Variants in FAM241A observed in about 807,000 individuals in gnomAD.
FAM241A encodes the protein family with sequence similarity 241 member A.
In FAM241A, 7 loss-of-function variants were observed where a neutral mutation model predicts 12.2. The ratio of observed to expected loss-of-function variants is 0.58; its 90% confidence interval spans 0.33 to 1.08. FAM241A has a LOEUF of 1.08. Among genes scored for constraint, FAM241A ranks in the 50% least tolerant of loss-of-function variants. The pLI, the probability that FAM241A is intolerant of heterozygous loss-of-function variation, is 0.04. For missense variants in FAM241A, 161 were observed against 169.7 expected (o/e 0.95, Z 0.29); for synonymous variants, 74 against 68.2 (o/e 1.08, Z -0.42).
intron 1 of FAM241A, among the ~76,000 whole-genome samples, chr4:112,167,442 T>C (rs919280115): frequency 1.2e-4 from 19 of 152,194 alleles, no homozygotes; most frequent in Admixed American, 3.3e-4. Context: ...CAGAGGATAC[T>C]GGAGGAAGAC....
rs1274468757 is a variant in FAM241A, at chr4:112,193,217, G to A, written c.*6279G>A. The A allele has an allele frequency of 6.6e-6, 1 of 151,498 alleles. No homozygotes were observed. The highest frequency in any genetic ancestry group is 1.5e-5 in the Non-Finnish European group (1 of 67,860). The allele number at this position is 151,498 out of a possible 1,614,324, so 9.4% of individuals were successfully genotyped here. A position where few individuals can be genotyped will look rare whatever the true frequency, so the allele number is the denominator to read the frequency against. On this transcript the variant is annotated 3_prime_UTR_variant, in exon 2 of 2. Transcript: ENST00000309733. ...TTGTTTGTTTTTTTCTTGTAAATTT[G>A]TTTGAGTTCATTGTAGATTCTGGAT...
chr4:112,166,562 A>G (rs1723599728), intron 1 of FAM241A, among the ~76,000 whole-genome samples: 1 of 152,102 alleles, frequency 6.6e-6, no homozygotes, highest in Non-Finnish European at 1.5e-5. Context: ...AAATTTTCCA[A>G]TAAACTGTAC....
rs191854126 is a variant in FAM241A, at chr4:112,187,008, T to A, written c.*70T>A. On this transcript the variant is annotated 3_prime_UTR_variant, in exon 2 of 2. Transcript: ENST00000309733. The stretch of plus-strand genomic sequence containing the variant: ...TAATTGAAGAAGTTATATATTTCAC[T>A]TTTTGACAACCGAAAAAGTTTGCCT... The A allele has an allele frequency of 3.9e-5, 59 of 1,527,154 alleles. No individual in the cohort carries two copies. The East Asian group carries it at 6.6e-4, about 17-fold the overall frequency. 94.6% of individuals were successfully genotyped at this position (1,527,154 alleles called of 1,614,324 possible).
intron 1 of FAM241A, among the ~76,000 whole-genome samples, chr4:112,153,239 CT>C (rs1311254125): frequency 3.9e-5 from 6 of 151,998 alleles, no homozygotes; most frequent in Non-Finnish European, 7.4e-5. Context: ...CTCACTAATC[CT>C]TGAGAGGAAA....
intron 1 of FAM241A, among the ~76,000 whole-genome samples, chr4:112,177,099 T>C (rs1004669588): frequency 2.0e-5 from 3 of 152,172 alleles, no homozygotes; most frequent in Admixed American, 6.5e-5. Flanking sequence ...ATTACTACTT[T>C]TAAAAGCATG....
intron 1 of FAM241A, among the ~76,000 whole-genome samples, chr4:112,181,710 A>T (rs1723947506): frequency 6.6e-6 from 1 of 152,174 alleles, no homozygotes; most frequent in Non-Finnish European, 1.5e-5. Context: ...TTGAGCAGAG[A>T]AAAGAGCACG....
At chr4:112,155,209 G>A (rs1477891882) in intron 1 of FAM241A, among the ~76,000 whole-genome samples, 1 of 152,036 alleles carries the variant, frequency 6.6e-6, no homozygotes, top group African/African-American at 2.4e-5. Flanking sequence ...ACGTCTGTTA[G>A]ATATTACTGA....
intron 1 of FAM241A, among the ~76,000 whole-genome samples, chr4:112,156,027 AC>A (rs1329934608): frequency 2.4e-4 from 37 of 152,186 alleles, no homozygotes; most frequent in African/African-American, 8.9e-4. Flanking sequence ...AAAGCCCTAA[AC>A]TACCAAGCTA....
intron 1 of FAM241A, among the ~76,000 whole-genome samples, chr4:112,155,604 A>AT (rs1044770424): frequency 1.9e-4 from 29 of 152,022 alleles, no homozygotes; most frequent in Middle Eastern, 3.4e-3. Context: ...AATTTATATC[A>AT]TTTTTTAACG....
Position 112,145,628 on chromosome 4 carries a change from C to G in FAM241A, c.48C>G (p.Arg16=). Reference sequence around the variant, plus strand: ...TGCGGGGCGGCGACGGCGGGGAACGCGACGAGGACGGGGACGCGCTGGCGG... The same window carrying G: ...TGCGGGGCGGCGACGGCGGGGAACGGGACGAGGACGGGGACGCGCTGGCGG... ...ELLRGGDGGE[R]DEDGDALAER... Residue 16 remains arginine, a synonymous_variant, in exon 1 of 2, where the codon CGC becomes CGG. Transcript: ENST00000309733. 4 of 1,227,096 alleles carry G rather than the reference C, an allele frequency of 3.3e-6. No homozygotes were observed. Among genetic ancestry groups the G allele is most frequent in the Non-Finnish European group, 4.1e-6 (4 of 984,050 alleles). 76.0% of individuals were successfully genotyped at this position (1,227,096 alleles called of 1,614,324 possible).
intron 1 of FAM241A, among the ~76,000 whole-genome samples, chr4:112,150,757 AG>A (rs1370701463): frequency 1.3e-5 from 2 of 152,250 alleles, no homozygotes; most frequent in Non-Finnish European, 2.9e-5. Context: ...CTGTAACTTT[AG>A]GCAAGTAACT....
chr4:112,156,147 T>G (rs1723348923), intron 1 of FAM241A, among the ~76,000 whole-genome samples: 1 of 152,310 alleles, frequency 6.6e-6, no homozygotes, highest in Admixed American at 6.5e-5. Flanking sequence ...GAACTTAATA[T>G]GTACTAGTTC....
chr4:112,187,346 G>A lies in FAM241A; in HGVS notation c.*408G>A, dbSNP rs949653457. ...AAAGTATGAAACAAGCTAAAAGTAA[G>A]TTTCACTTAGAAAACTTCTCCCCAC... On this transcript the variant is annotated 3_prime_UTR_variant, in exon 2 of 2. Coordinates refer to ENST00000309733, the MANE Select transcript of FAM241A (RefSeq NM_152400.3). 6.5e-6 allele frequency: 1 copy of A among 154,756 alleles called. No individual in the cohort carries two copies. The highest frequency in any genetic ancestry group is 1.4e-5 in the Non-Finnish European group (1 of 69,906). The allele number at this position is 154,756 out of a possible 1,614,324, so 9.6% of individuals were successfully genotyped here.
At chr4:112,176,053 G>A (rs1723814319) in intron 1 of FAM241A, among the ~76,000 whole-genome samples, 2 of 152,168 alleles carry the variant, frequency 1.3e-5, no homozygotes, top group Non-Finnish European at 2.9e-5. Flanking sequence ...CCTATTTATA[G>A]AATGTAGCTT....
intron 1 of FAM241A, among the ~76,000 whole-genome samples, chr4:112,185,255 G>C (rs1695313827): frequency 6.6e-6 from 1 of 151,956 alleles, no homozygotes; most frequent in Non-Finnish European, 1.5e-5. Context: ...CGGTGGGGAG[G>C]GGGAGAGAAA....
intron 1 of FAM241A, among the ~76,000 whole-genome samples, chr4:112,156,522 A>T (rs1278972630): frequency 6.6e-6 from 1 of 152,222 alleles, no homozygotes; most frequent in African/African-American, 2.4e-5. Context: ...ATTACATTAT[A>T]TGGCAAATGT....
chr4:112,177,041 T>C (rs1163465206), intron 1 of FAM241A, among the ~76,000 whole-genome samples: 1 of 152,178 alleles, frequency 6.6e-6, no homozygotes, highest in African/African-American at 2.4e-5. Context: ...CAACCACATA[T>C]CTCTTCATTC....
At position 112,192,409 on chromosome 4, in the gene FAM241A, A is replaced by G. The variant is rs1216904577; in HGVS notation, c.*5471A>G. On this transcript the variant is annotated 3_prime_UTR_variant, in exon 2 of 2. Transcript: ENST00000309733. Reference sequence around the variant, plus strand: ...TGTGTACAATGTGCAGGTTAGTTACATATGTATACATGTGCCATGCTAGTG... The same window carrying G: ...TGTGTACAATGTGCAGGTTAGTTACGTATGTATACATGTGCCATGCTAGTG... 1 of 151,788 alleles carries G rather than the reference A, an allele frequency of 6.6e-6. No homozygotes were observed. 9.4% of individuals were successfully genotyped at this position (151,788 alleles called of 1,614,324 possible).
At position 112,194,005 on chromosome 4, in the gene FAM241A, G is replaced by A. The variant is rs918165679; in HGVS notation, c.*7067G>A. On this transcript the variant is annotated 3_prime_UTR_variant, in exon 2 of 2. Transcript: ENST00000309733. ...GCATGGAATGTTCTTCCATTTGTTTGTATCCTCTTTTATTTCATTGAGCAG... is the reference window on the plus strand; with the variant it reads ...GCATGGAATGTTCTTCCATTTGTTTATATCCTCTTTTATTTCATTGAGCAG... The A allele has an allele frequency of 2.0e-5, 3 of 148,030 alleles. No individual in the cohort carries two copies. Among genetic ancestry groups the A allele is most frequent in the Non-Finnish European group, 1.5e-5 (1 of 67,392 alleles). 9.2% of individuals were successfully genotyped at this position (148,030 alleles called of 1,614,324 possible).
Sources: allele counts gnomAD v4.1 joint callset (sites outside exome capture counted in the v4.1 genomes callset), GRCh38; gene constraint gnomAD v4.1.1; transcripts MANE v1.5; gene names NCBI Gene and HGNC (gene_info 2026-07-23, HGNC 2026-07-21).